Variants in CSMD3 observed in about 807,000 individuals in gnomAD.
CSMD3 encodes the protein CUB and sushi domain-containing protein 3.
In CSMD3, 177 loss-of-function variants were observed where a neutral mutation model predicts 435.2. The ratio of observed to expected loss-of-function variants is 0.41; its 90% CI spans 0.36 to 0.46. The LOEUF is 0.46. CSMD3 is among the 20% of genes least tolerant of loss of function. The pLI is 0.34. For synonymous variants in CSMD3, 1,656 were observed against 1,520.5 expected (o/e 1.09, Z -2.07); for missense variants, 4,265 against 4,504.6 (o/e 0.95, Z 1.52).
chr8:112,682,018 G>C lies in CSMD3; in HGVS notation c.2677+424C>G, dbSNP rs149793663. Among the ~76,000 whole-genome samples, 84 of 151,912 alleles carry C rather than the reference G, an allele frequency of 5.5e-4. No homozygotes were observed. In the East Asian group the frequency reaches 8.3e-3, roughly 15 times the overall value. On this transcript the variant is annotated intron_variant, in intron 16 of 70. Coordinates refer to ENST00000297405, the MANE Select transcript of CSMD3 (RefSeq NM_198123.2). ...GAAATCATATATTTTAAATAAATGG[G>C]TGTTTTAGCTTAAATGTATTTATTA...
intron 36 of CSMD3, among the ~76,000 whole-genome samples, chr8:112,383,871 C>T (rs756309698): frequency 1.3e-5 from 2 of 152,130 alleles, no homozygotes; most frequent in Non-Finnish European, 2.9e-5. Context: ...CTTTGAAGCA[C>T]CGACCAATGT....
In CSMD3 at chr8:113,228,274, T is replaced by C. The variant is rs1342604445; in HGVS notation, c.514+50318A>G. Among the ~76,000 whole-genome samples, 10 of 151,612 alleles carry C rather than the reference T, an allele frequency of 6.6e-5. No individual in the cohort carries two copies. In the Admixed American group the frequency reaches 6.6e-4, roughly 10 times the overall value. Reference sequence around the variant, plus strand: ...AGGTCCACCTTCCCCTATCTCTGCCTAATTATAGGAGTAAGGTAAAGATAA... The same window carrying C: ...AGGTCCACCTTCCCCTATCTCTGCCCAATTATAGGAGTAAGGTAAAGATAA... On this transcript the variant is annotated intron_variant, in intron 3 of 70. Transcript: ENST00000297405.
At chr8:113,410,930 AAAG>A (rs2094556247) in intron 1 of CSMD3, among the ~76,000 whole-genome samples, 1 of 146,024 alleles carries the variant, frequency 6.8e-6, no homozygotes, top group African/African-American at 2.7e-5. Context: ...AGAAAGAAAG[AAAG>A]AAAGAAAGAA....
intron 38 of CSMD3, among the ~76,000 whole-genome samples, chr8:112,361,568 CATACAT>C (rs1203445650): frequency 4.5e-4 from 16 of 35,588 alleles, no homozygotes; most frequent in Non-Finnish European, 5.7e-4. Context: ...TATATATACA[CATACAT>C]ATATATATAT....
chr8:112,635,722 T>C (rs1000165636), intron 22 of CSMD3, among the ~76,000 whole-genome samples: 3 of 152,170 alleles, frequency 2.0e-5, no homozygotes, highest in Admixed American at 6.6e-5. Context: ...TGGATGATCA[T>C]ATTTTTTGGC....
chr8:113,375,596 T>C (rs1370455773), intron 1 of CSMD3, among the ~76,000 whole-genome samples: 9 of 151,788 alleles, frequency 5.9e-5, no homozygotes, highest in Non-Finnish European at 1.3e-4. Context: ...CGAACAGCAT[T>C]GAAATATGGA....
intron 38 of CSMD3, among the ~76,000 whole-genome samples, chr8:112,372,866 A>G (rs1159519230): frequency 6.6e-6 from 1 of 151,464 alleles, no homozygotes; most frequent in Non-Finnish European, 1.5e-5. Flanking sequence ...AGAAAAAAAA[A>G]GATAAATAAA....
In CSMD3 at chr8:113,294,897, T is replaced by A. The variant is rs76850891; in HGVS notation, c.402-16193A>T. Among the ~76,000 whole-genome samples, 1,258 of 152,244 alleles carry A rather than the reference T, an allele frequency of 8.3e-3. 16 individuals carry two copies. Among genetic ancestry groups the A allele is most frequent in the African/African-American group, 0.028 (1,178 of 41,540 alleles). ...CATAGAAGCCAAGATTTCAAGAGTATCCTCACTAATGATTATGTAAAACAT... is the reference window on the plus strand; with the variant it reads ...CATAGAAGCCAAGATTTCAAGAGTAACCTCACTAATGATTATGTAAAACAT... On this transcript the variant is annotated intron_variant, in intron 2 of 70. Transcript: ENST00000297405.
At chr8:113,197,046 G>A (rs2092664744) in intron 3 of CSMD3, among the ~76,000 whole-genome samples, 1 of 151,072 alleles carries the variant, frequency 6.6e-6, no homozygotes, top group Admixed American at 6.6e-5. Flanking sequence ...CAGAGTACAG[G>A]ACATAAAAAG....
chr8:113,021,256 T>G (rs2086674290), intron 5 of CSMD3, among the ~76,000 whole-genome samples: 1 of 152,188 alleles, frequency 6.6e-6, no homozygotes, highest in South Asian at 2.1e-4. Flanking sequence ...GACTCAAGTT[T>G]TAAAATTTGC....
At position 112,585,642 on chromosome 8, in the gene CSMD3, G is replaced by C. The variant is rs1310593348; in HGVS notation, c.3885+1424C>G. ...TAGGAAAGAAATGAATGAATTTTAAGCATCACAAAGAAATATTTTAGGTAG... is the reference window on the plus strand; with the variant it reads ...TAGGAAAGAAATGAATGAATTTTAACCATCACAAAGAAATATTTTAGGTAG... On this transcript the variant is annotated intron_variant, in intron 23 of 70. Coordinates refer to ENST00000297405, the MANE Select transcript of CSMD3 (RefSeq NM_198123.2). 3.3e-5 allele frequency among the ~76,000 whole-genome samples: 5 copies of C among 151,536 alleles called. No individual in the cohort carries two copies. The East Asian group carries it at 9.7e-4, about 29-fold the overall frequency.
intron 10 of CSMD3, among the ~76,000 whole-genome samples, chr8:112,882,102 C>G (rs1026488): frequency 6.6e-6 from 1 of 151,606 alleles, no homozygotes; most frequent in Non-Finnish European, 1.5e-5. Context: ...AATAGGGAAG[C>G]CTTAGCATAA....
intron 5 of CSMD3, among the ~76,000 whole-genome samples, chr8:113,079,797 A>G (rs1258262049): frequency 6.6e-6 from 1 of 152,188 alleles, no homozygotes; most frequent in Non-Finnish European, 1.5e-5. Context: ...GTGTTCAGTT[A>G]TAATATTCTG....
intron 11 of CSMD3, among the ~76,000 whole-genome samples, chr8:112,854,377 A>G (rs2080586101): frequency 6.6e-6 from 1 of 152,170 alleles, no homozygotes; most frequent in Non-Finnish European, 1.5e-5. Context: ...GATTTTGAAA[A>G]CAAAATTTGT....
At chr8:113,419,606 T>C (rs1588694309) in intron 1 of CSMD3, among the ~76,000 whole-genome samples, 1 of 152,168 alleles carries the variant, frequency 6.6e-6, no homozygotes. Context: ...CTTTTCCTCA[T>C]GCTCTCAATT....
At chr8:112,893,783 C>T (rs2081870182) in intron 10 of CSMD3, among the ~76,000 whole-genome samples, 1 of 151,356 alleles carries the variant, frequency 6.6e-6, no homozygotes, top group Non-Finnish European at 1.5e-5. Flanking sequence ...CATGCAAGAA[C>T]CTGATGGTAA....
intron 13 of CSMD3, 103 bp from the exon 14 acceptor site, chr8:112,690,153 A>G: frequency 1.2e-6 from 1 of 859,926 alleles, no homozygotes; most frequent in Non-Finnish European, 1.9e-6. Flanking sequence ...GAGATATTTC[A>G]GAACAAAAAA....
chr8:113,217,897 T>C (rs776981931), intron 3 of CSMD3, among the ~76,000 whole-genome samples: 4 of 150,330 alleles, frequency 2.7e-5, no homozygotes, highest in African/African-American at 9.8e-5. Flanking sequence ...AAAACACCCA[T>C]AGGCACATCA....
chr8:112,970,969 T>C (rs1409566785), intron 7 of CSMD3, among the ~76,000 whole-genome samples: 3 of 151,978 alleles, frequency 2.0e-5, no homozygotes, highest in African/African-American at 7.2e-5. Flanking sequence ...TATTCACCCG[T>C]CTCGGCCTCC....
Sources: allele counts gnomAD v4.1 joint callset (sites outside exome capture counted in the v4.1 genomes callset), GRCh38; gene constraint gnomAD v4.1.1; transcripts MANE v1.5; gene names NCBI Gene and HGNC (gene_info 2026-07-23, HGNC 2026-07-21).